Variants in STAT5A observed in about 807,000 individuals in gnomAD.
The protein encoded by STAT5A is signal transducer and activator of transcription 5A.
STAT5A carries 26 observed loss-of-function variants against 100.2 expected under a neutral mutation model. The observed-to-expected ratio is 0.26, with a 90% CI of 0.19 to 0.36. The LOEUF (loss-of-function observed/expected upper bound fraction) is 0.36. Among genes scored for constraint, STAT5A ranks in the 10% least tolerant of loss-of-function variants. The pLI, the probability that STAT5A is intolerant of heterozygous loss-of-function variation, is 1.00. For synonymous variants in STAT5A, 330 were observed against 424.3 expected (o/e 0.78, Z 2.73); for missense variants, 634 against 1,027.5 (o/e 0.62, Z 5.24).
In STAT5A at chr17:42,299,209, C is replaced by T. The variant is rs566920085; in HGVS notation, c.551-542C>T. Among the ~76,000 whole-genome samples the T allele has an allele frequency of 8.1e-4, 124 of 152,286 alleles. 1 individual carries two copies. Among genetic ancestry groups the T allele is most frequent in the East Asian group, 4.2e-3 (22 of 5,182 alleles). On this transcript the variant is annotated intron_variant, in intron 5 of 18. Coordinates refer to ENST00000590949, the MANE Select transcript of STAT5A (RefSeq NM_001288718.2). ...TCTCTCTGTCCTGTTCCCCGTTAAC[C>T]AAGAAGCACGAACCTCACACAGAGC...
chr17:42,288,325 C>T (rs2080832865), upstream of STAT5A: 2 of 152,174 alleles, frequency 1.3e-5, no homozygotes, highest in South Asian at 4.1e-4. This position sits in a 1 kb window ranked among gnomAD's most constrained non-coding sequence, Gnocchi z 4.8. Context: ...CGCCGCCCGC[C>T]GGGAACGGCC....
In STAT5A at chr17:42,308,829, GA is replaced by G; in HGVS notation, c.2063-213del. 1.6e-6 allele frequency: 1 copy of G among 613,764 alleles called. No homozygotes were observed. Among genetic ancestry groups the G allele is most frequent in the Non-Finnish European group, 2.9e-6 (1 of 348,698 alleles). The allele number at this position is 613,764 out of a possible 1,614,324, so 38.0% of individuals were successfully genotyped here. ...CAGGGAGAGGGAAATCAGATGGCCA[GA>G]AAAAGAACCAGAAGGAATGGGATTC... On this transcript the variant is annotated intron_variant, in intron 16 of 18. Transcript: ENST00000590949. This position sits in a 1 kb window ranked among gnomAD's most constrained non-coding sequence, Gnocchi z 4.6.
Position 42,305,633 on chromosome 17 carries a change from C to T in STAT5A, c.1404C>T (p.Val468=), listed in dbSNP as rs1261200056. 1.9e-6 allele frequency: 3 copies of T among 1,614,104 alleles called. No individual in the cohort carries two copies. In the Admixed American group the frequency reaches 5.0e-5, roughly 27 times the overall value. The change falls in exon 12 of 19, where the codon GTC becomes GTT. Residue 468 remains valine, a synonymous_variant. Coordinates refer to ENST00000590949, the MANE Select transcript of STAT5A (RefSeq NM_001288718.2). ...AGACTCTGTCCCTACCTGTGGTTGT[C>T]ATCGTCCACGGCAGCCAGGACCACA... ...QVKTLSLPVV[V]IVHGSQDHNA...
Position 42,300,783 on chromosome 17 carries a change from A to T in STAT5A, c.902A>T (p.Gln301Leu). The change falls in exon 8 of 19, where the codon CAG becomes CTG. Residue 301 changes from glutamine to leucine, a missense_variant. Coordinates refer to ENST00000590949, the MANE Select transcript of STAT5A (RefSeq NM_001288718.2). ...QQIRRAEHLC[Q>L]QLPIPGPVEE... ...ATCCGCAGGGCTGAGCACCTCTGCC[A>T]GCAGCTGCCCATCCCCGGCCCAGTG... 2 of 1,612,756 alleles carry T rather than the reference A, an allele frequency of 1.2e-6. No individual in the cohort carries two copies. Among genetic ancestry groups the T allele is most frequent in the Non-Finnish European group, 1.7e-6 (2 of 1,179,440 alleles).
At chr17:42,301,171 C>T in intron 8 of STAT5A, 104 bp from the exon 9 acceptor site, 1 of 1,530,804 alleles carries the variant, frequency 6.5e-7, no homozygotes, top group Non-Finnish European at 8.9e-7. Flanking sequence ...CTCATCACCT[C>T]CTGAGCCCCA....
At chr17:42,289,297 TG>T in intron 1 of STAT5A, 104 bp from the exon 2 acceptor site, 1 of 1,326,712 alleles carries the variant, frequency 7.5e-7, no homozygotes, top group Non-Finnish European at 9.9e-7. Context: ...GGGAGGGGCC[TG>T]GCCTGGCCGC....
chr17:42,291,868 A>C, intron 3 of STAT5A, 104 bp from the exon 4 acceptor site: 2 of 1,237,922 alleles, frequency 1.6e-6, no homozygotes, highest in Non-Finnish European at 1.1e-6. Flanking sequence ...CTCCCTGGGA[A>C]AAGCTGAGGC....
Position 42,309,369 on chromosome 17 carries a change from T to A in STAT5A, c.2115-8T>A. On this transcript the variant is annotated splice_region_variant and splice_polypyrimidine_tract_variant and intron_variant, in intron 17 of 18. Coordinates refer to ENST00000590949, the MANE Select transcript of STAT5A (RefSeq NM_001288718.2). ...GGTGGCTGAAGCTCTGTTCTCTTCC[T>A]TCTGCAGGTTTGTGAATGCATCTGC... 6.2e-7 allele frequency: 1 copy of A among 1,612,304 alleles called. No homozygotes were observed.
intron 5 of STAT5A, 45 bp from the exon 6 acceptor site, chr17:42,299,706 G>GGA: frequency 6.2e-7 from 1 of 1,613,846 alleles, no homozygotes; most frequent in Non-Finnish European, 8.5e-7. Flanking sequence ...GCCTCCTGTT[G>GGA]GACACTAGGA....
At chr17:42,299,118 G>C (rs1446135001) in intron 5 of STAT5A, among the ~76,000 whole-genome samples, 2 of 152,186 alleles carry the variant, frequency 1.3e-5, no homozygotes, top group African/African-American at 2.4e-5. Context: ...CCGGGGCTGG[G>C]GTTCCCTGAA....
At position 42,308,437 on chromosome 17, in the gene STAT5A, T is replaced by A. The variant is rs756639628; in HGVS notation, c.2062+104T>A. ...CGTGGGGACTTCCCCAGGAGGAGCC[T>A]AGGGGCCATGTCCCCTGTGGGTTTT... On this transcript the variant is annotated intron_variant, in intron 16 of 18. Transcript: ENST00000590949. This position sits in a 1 kb window ranked among gnomAD's most constrained non-coding sequence, Gnocchi z 4.6. 3 of 1,527,362 alleles carry A rather than the reference T, an allele frequency of 2.0e-6. No homozygotes were observed. Among genetic ancestry groups the A allele is most frequent in the Non-Finnish European group, 2.7e-6 (3 of 1,119,310 alleles). The allele number at this position is 1,527,362 out of a possible 1,614,324, so 94.6% of individuals were successfully genotyped here.
chr17:42,300,555 C>T lies in STAT5A; in HGVS notation c.834-160C>T, dbSNP rs547780949. Among the ~76,000 whole-genome samples the T allele has an allele frequency of 2.6e-5, 4 of 152,020 alleles. No homozygotes were observed. In the South Asian group the frequency reaches 6.2e-4, roughly 24 times the overall value. ...TAGTCAGGGTCGCCCCTCCTGTGTA[C>T]GTCTCTAATTCTGGGAGGCAGGGAG... On this transcript the variant is annotated intron_variant, in intron 7 of 18. Transcript: ENST00000590949.
intron 12 of STAT5A, 24 bp downstream of exon 12, chr17:42,305,726 C>T: frequency 6.2e-7 from 1 of 1,611,584 alleles, no homozygotes; most frequent in Non-Finnish European, 8.5e-7. Context: ...GGAGCCCTAC[C>T]CCAGCACCCC....
rs1386615347 is a variant in STAT5A, at chr17:42,311,021, G to A, written c.*352G>A. 7.0e-6 allele frequency: 2 copies of A among 285,168 alleles called. No individual in the cohort carries two copies. Among genetic ancestry groups the A allele is most frequent in the Non-Finnish European group, 1.4e-5 (2 of 144,798 alleles). The allele number at this position is 285,168 out of a possible 1,614,324, so 17.7% of individuals were successfully genotyped here. On this transcript the variant is annotated 3_prime_UTR_variant, in exon 19 of 19. Coordinates refer to ENST00000590949, the MANE Select transcript of STAT5A (RefSeq NM_001288718.2). ...GCTATTTGAATGAGATGATTCAGAAGGGGAGGGGAGACAGGTAACGTCTGT... is the reference window on the plus strand; with the variant it reads ...GCTATTTGAATGAGATGATTCAGAAAGGGAGGGGAGACAGGTAACGTCTGT...
chr17:42,300,639 G>A (rs1034421877), intron 7 of STAT5A, 76 bp from the exon 8 acceptor site: 89 of 1,612,212 alleles, frequency 5.5e-5, no homozygotes, highest in Non-Finnish European at 7.0e-5. Flanking sequence ...CTGGGGGAAC[G>A]GGAGCTGTGT....
In STAT5A at chr17:42,308,445, A is replaced by AT; in HGVS notation, c.2062+113dup. ...CTTCCCCAGGAGGAGCCTAGGGGCCATGTCCCCTGTGGGTTTTGGCCCATG... is the reference window on the plus strand; with the variant it reads ...CTTCCCCAGGAGGAGCCTAGGGGCCATTGTCCCCTGTGGGTTTTGGCCCATG... On this transcript the variant is annotated intron_variant, in intron 16 of 18. Coordinates refer to ENST00000590949, the MANE Select transcript of STAT5A (RefSeq NM_001288718.2). This position sits in a 1 kb window ranked among gnomAD's most constrained non-coding sequence, Gnocchi z 4.6. The AT allele has an allele frequency of 6.7e-7, 1 of 1,492,768 alleles. No homozygotes were observed. The highest frequency in any genetic ancestry group is 1.9e-5 in the Admixed American group (1 of 53,194). The allele number at this position is 1,492,768 out of a possible 1,614,324, so 92.5% of individuals were successfully genotyped here.
chr17:42,295,096 G>A (rs1206378487), intron 4 of STAT5A, among the ~76,000 whole-genome samples: 1 of 152,176 alleles, frequency 6.6e-6, no homozygotes, highest in Non-Finnish European at 1.5e-5. Flanking sequence ...GGATGCCTGT[G>A]AGAGTTTCGG....
chr17:42,296,512 A>G (rs1278798064), intron 5 of STAT5A, among the ~76,000 whole-genome samples: 3 of 152,210 alleles, frequency 2.0e-5, no homozygotes, highest in Admixed American at 1.3e-4. Flanking sequence ...GACCCCAGAA[A>G]TGTAACACCT....
rs763692262 is a variant in STAT5A at position 42,308,110 on chromosome 17, C to T, written c.1907-68C>T. On this transcript the variant is annotated intron_variant, in intron 15 of 18. Transcript: ENST00000590949. The surrounding 1 kb of genome is among the most constrained non-coding windows in gnomAD (Gnocchi z 4.6). Reference sequence around the variant, plus strand: ...CCCAGATTTCTCTTGCAAGCCTGCCCTAAAGCCCCACAACCTTGGTCCTCC... The same window carrying T: ...CCCAGATTTCTCTTGCAAGCCTGCCTTAAAGCCCCACAACCTTGGTCCTCC... 3.2e-6 allele frequency: 5 copies of T among 1,586,274 alleles called. No individual in the cohort carries two copies. Among genetic ancestry groups the T allele is most frequent in the Non-Finnish European group, 4.3e-6 (5 of 1,163,428 alleles).
Sources: allele counts gnomAD v4.1 joint callset (sites outside exome capture counted in the v4.1 genomes callset), GRCh38; gene constraint gnomAD v4.1.1; non-coding constraint Gnocchi (gnomAD v3.1); transcripts MANE v1.5; gene names NCBI Gene and HGNC (gene_info 2026-07-23, HGNC 2026-07-21).